The following EFCAB11 variants were observed in gnomAD, a reference collection of about 807,000 sequenced individuals.
EFCAB11 encodes EF-hand calcium binding domain 11.
EFCAB11 carries 14 observed loss-of-function variants against 23.0 expected under a neutral mutation model. The ratio of observed to expected loss-of-function variants is 0.61; its 90% confidence interval spans 0.40 to 0.95. The LOEUF (loss-of-function observed/expected upper bound fraction) is 0.95, where lower values mean the gene tolerates loss of function less well. Ranked by LOEUF, EFCAB11 falls within the 40% of genes least tolerant of loss-of-function variation. The probability of loss-of-function intolerance (pLI) is 0.00; values close to 1 mark genes in which losing one functional copy is unlikely to be tolerated. For synonymous variants in EFCAB11, 65 were observed against 66.6 expected (o/e 0.98, Z 0.11); for missense variants, 198 against 195.8 (o/e 1.01, Z -0.07).
chr14:89,947,208 T>A (rs1422209332), intron 3 of EFCAB11, among the ~76,000 whole-genome samples: 2 of 152,198 alleles, frequency 1.3e-5, no homozygotes, highest in African/African-American at 4.8e-5. Flanking sequence ...TGTACTGTTT[T>A]ATTTTGAACT....
At chr14:89,926,216 T>A (rs1259554514) in intron 5 of EFCAB11, among the ~76,000 whole-genome samples, 2 of 152,244 alleles carry the variant, frequency 1.3e-5, no homozygotes, top group African/African-American at 4.8e-5. Context: ...GTAGCAATTT[T>A]GAATTTTGTA....
At chr14:89,944,840 A>G (rs1890909099) in intron 3 of EFCAB11, among the ~76,000 whole-genome samples, 1 of 151,048 alleles carries the variant, frequency 6.6e-6, no homozygotes, top group South Asian at 2.1e-4. Context: ...AAAGTGTATT[A>G]GATTTTAATA....
At chr14:89,910,321 G>A (rs976804026) in intron 5 of EFCAB11, among the ~76,000 whole-genome samples, 1 of 152,140 alleles carries the variant, frequency 6.6e-6, no homozygotes, top group Non-Finnish European at 1.5e-5. Context: ...CTAGTGACCG[G>A]GTGCAGTGGC....
At chr14:89,858,889 G>A (rs1189953873) in intron 5 of EFCAB11, among the ~76,000 whole-genome samples, 1 of 152,012 alleles carries the variant, frequency 6.6e-6, no homozygotes, top group Non-Finnish European at 1.5e-5. Context: ...AAGAGTGGGT[G>A]GTGTGGCAAC....
At chr14:89,873,044 T>C (rs1314831259) in intron 5 of EFCAB11, among the ~76,000 whole-genome samples, 1 of 152,168 alleles carries the variant, frequency 6.6e-6, no homozygotes, top group Admixed American at 6.5e-5. Flanking sequence ...CTCACACTAG[T>C]ATTAGTATTA....
intron 5 of EFCAB11, among the ~76,000 whole-genome samples, chr14:89,926,094 C>A (rs895488906): frequency 6.6e-6 from 1 of 152,108 alleles, no homozygotes; most frequent in Non-Finnish European, 1.5e-5. Context: ...GGATTACAGG[C>A]ATGAGCCACC....
intron 5 of EFCAB11, among the ~76,000 whole-genome samples, chr14:89,900,958 T>C (rs1270810758): frequency 1.3e-5 from 2 of 152,236 alleles, no homozygotes; most frequent in African/African-American, 2.4e-5. Flanking sequence ...GTCAGTATAT[T>C]ATGACTACAT....
chr14:89,944,490 T>C (rs1890897417), intron 3 of EFCAB11, among the ~76,000 whole-genome samples: 1 of 152,136 alleles, frequency 6.6e-6, no homozygotes, highest in African/African-American at 2.4e-5. Context: ...AAGATCTTCA[T>C]CCAGAAAGAA....
chr14:89,800,114 A>G (rs1289012706), intron 5 of EFCAB11, among the ~76,000 whole-genome samples: 1 of 152,122 alleles, frequency 6.6e-6, no homozygotes, highest in Non-Finnish European at 1.5e-5. Context: ...TGAACCCGGG[A>G]GGCAGAGGTT....
chr14:89,874,574 T>G (rs1420699673), intron 5 of EFCAB11, among the ~76,000 whole-genome samples: 1 of 152,160 alleles, frequency 6.6e-6, no homozygotes, highest in East Asian at 1.9e-4. Flanking sequence ...ACCACATCTT[T>G]GTGAATGAAT....
chr14:89,821,030 T>C (rs1225702337), intron 5 of EFCAB11, among the ~76,000 whole-genome samples: 2 of 152,018 alleles, frequency 1.3e-5, no homozygotes, highest in Non-Finnish European at 2.9e-5. Context: ...CCTGGCTAAT[T>C]TTTTATTTTT....
At chr14:89,841,426 C>A (rs983086719) in intron 5 of EFCAB11, among the ~76,000 whole-genome samples, 2 of 151,718 alleles carry the variant, frequency 1.3e-5, no homozygotes, top group Admixed American at 6.6e-5. Context: ...TCCCCTCCCC[C>A]TCAACTACTC....
intron 5 of EFCAB11, among the ~76,000 whole-genome samples, chr14:89,922,397 C>T (rs777679278): frequency 1.3e-5 from 2 of 152,172 alleles, no homozygotes; most frequent in East Asian, 1.9e-4. Context: ...TGATAGATGA[C>T]GCCACCAGTG....
chr14:89,933,964 C>T (rs142640133), intron 3 of EFCAB11, among the ~76,000 whole-genome samples: 1 of 152,256 alleles, frequency 6.6e-6, no homozygotes, highest in African/African-American at 2.4e-5. Context: ...GCAGTAGGAA[C>T]AGCCTGTGCC....
At chr14:89,888,235 A>T (rs1888853722) in intron 5 of EFCAB11, among the ~76,000 whole-genome samples, 1 of 152,242 alleles carries the variant, frequency 6.6e-6, no homozygotes, top group African/African-American at 2.4e-5. Context: ...ACCCCCATGA[A>T]TGGGATTGGT....
intron 5 of EFCAB11, among the ~76,000 whole-genome samples, chr14:89,798,569 C>T (rs539508477): frequency 6.6e-6 from 1 of 152,296 alleles, no homozygotes; most frequent in East Asian, 1.9e-4. Context: ...AGATAAACGG[C>T]CTTTTTTCTT....
At chr14:89,847,514 C>A (rs1331354841) in intron 5 of EFCAB11, among the ~76,000 whole-genome samples, 1 of 151,786 alleles carries the variant, frequency 6.6e-6, no homozygotes, top group Non-Finnish European at 1.5e-5. Context: ...CAGAGGCGGG[C>A]GGATCACCTG....
chr14:89,932,020 ATAT>A (rs1890406789), intron 4 of EFCAB11, among the ~76,000 whole-genome samples: 4 of 151,934 alleles, frequency 2.6e-5, no homozygotes, highest in Non-Finnish European at 4.4e-5. Context: ...GAATCATGAA[ATAT>A]TGCTATTTAG....
intron 5 of EFCAB11, among the ~76,000 whole-genome samples, chr14:89,808,578 T>C (rs1035314442): frequency 6.6e-6 from 1 of 152,224 alleles, no homozygotes. Flanking sequence ...ACTAGGAAAT[T>C]TGGCCTTAGT....
Sources: gnomAD v4.1 joint callset for allele counts (sites outside exome capture counted in the v4.1 genomes callset) on GRCh38, gnomAD v4.1.1 for gene constraint, MANE v1.5 for transcripts, NCBI Gene and HGNC (gene_info 2026-07-23, HGNC 2026-07-21) for gene names.